Variants in TXNDC16 observed in about 807,000 individuals in gnomAD.
TXNDC16 encodes thioredoxin domain containing 16.
Under a neutral mutation model 85.6 loss-of-function variants are expected in TXNDC16, and 74 were observed. The observed-to-expected ratio is 0.86, with a 90% CI of 0.72 to 1.05. The LOEUF (loss-of-function observed/expected upper bound fraction) is 1.05, where lower values mean the gene tolerates loss of function less well. TXNDC16 is among the 50% of genes least tolerant of loss of function. TXNDC16 has a pLI of 0.00. For synonymous variants in TXNDC16, 335 were observed against 326.5 expected, an observed-to-expected ratio of 1.03 and a Z score of -0.28; for missense variants, 959 against 947.0, an observed-to-expected ratio of 1.01 and a Z score of -0.17.
chr14:52,508,457 C>T (rs532052689), intron 9 of TXNDC16, among the ~76,000 whole-genome samples: 29 of 152,322 alleles, frequency 1.9e-4, no homozygotes, highest in African/African-American at 6.5e-4. Flanking sequence ...AACACTTTTA[C>T]ACTGTTGGTG....
chr14:52,475,353 C>A (rs932857511), intron 14 of TXNDC16, among the ~76,000 whole-genome samples: 5 of 152,134 alleles, frequency 3.3e-5, no homozygotes, highest in African/African-American at 1.2e-4. Context: ...ATCCAGCGTG[C>A]AGACTCCACA....
chr14:52,496,015 C>T (rs532909311), intron 9 of TXNDC16, among the ~76,000 whole-genome samples: 1 of 151,936 alleles, frequency 6.6e-6, no homozygotes, highest in East Asian at 1.9e-4. Flanking sequence ...AAAAAATTAG[C>T]CGGGTGTGGT....
intron 16 of TXNDC16, among the ~76,000 whole-genome samples, chr14:52,466,392 C>CAAAAAAAAAAAAAAAAAAAAAAAAAAA: frequency 1.8e-5 from 1 of 56,700 alleles, no homozygotes; most frequent in Non-Finnish European, 3.1e-5. Flanking sequence ...GACTCTGTCT[C>CAAAAAAAAAAAAAAAAAAAAAAAAAAA]AAAAAAAAAA....
chr14:52,534,984 C>T (rs1427069258), intron 6 of TXNDC16, among the ~76,000 whole-genome samples: 1 of 152,136 alleles, frequency 6.6e-6, no homozygotes, highest in Non-Finnish European at 1.5e-5. Flanking sequence ...ACAGGGTCCT[C>T]GGTCCTCTCC....
intron 6 of TXNDC16, among the ~76,000 whole-genome samples, chr14:52,533,068 T>C (rs2037620011): frequency 6.6e-6 from 1 of 152,178 alleles, no homozygotes; most frequent in African/African-American, 2.4e-5. Context: ...TTTCTTCTCT[T>C]AAATGGTGGT....
chr14:52,448,823 G>A (rs562746949), intron 18 of TXNDC16, among the ~76,000 whole-genome samples: 2 of 152,164 alleles, frequency 1.3e-5, no homozygotes, highest in East Asian at 3.9e-4. Flanking sequence ...TTGACAGAGT[G>A]TAGAGTTTTT....
At chr14:52,462,283 A>G (rs2035670185) in intron 16 of TXNDC16, among the ~76,000 whole-genome samples, 2 of 151,934 alleles carry the variant, frequency 1.3e-5, no homozygotes, top group Non-Finnish European at 1.5e-5. Context: ...CTGGTCTTGA[A>G]CTCTTAGCCT....
chr14:52,483,314 T>C (rs2036192319), intron 12 of TXNDC16, among the ~76,000 whole-genome samples: 2 of 152,158 alleles, frequency 1.3e-5, no homozygotes, highest in Admixed American at 6.5e-5. Flanking sequence ...CCTGACCACA[T>C]GGAACTTCTA....
At chr14:52,529,359 T>C (rs2037420438) in intron 6 of TXNDC16, among the ~76,000 whole-genome samples, 1 of 150,762 alleles carries the variant, frequency 6.6e-6, no homozygotes, top group East Asian at 1.9e-4. Context: ...CATTAGGAGA[T>C]ATACCTAATA....
intron 12 of TXNDC16, among the ~76,000 whole-genome samples, chr14:52,487,534 A>G (rs1322885598): frequency 2.6e-5 from 4 of 152,256 alleles, no homozygotes; most frequent in African/African-American, 9.6e-5. Context: ...GAATAATTAC[A>G]GAAGAGGATT....
chr14:52,456,018 C>T (rs1313770832), intron 17 of TXNDC16, among the ~76,000 whole-genome samples: 2 of 152,302 alleles, frequency 1.3e-5, no homozygotes, highest in East Asian at 3.9e-4. Flanking sequence ...GTACTCTCTC[C>T]ACTGAAACAA....
rs199701557 is a variant in TXNDC16 at position 52,525,699 on chromosome 14, AAATAATAAT to A, written c.393-6415_393-6407del. 5.5e-3 allele frequency among the ~76,000 whole-genome samples: 668 copies of A among 121,332 alleles called. 4 individuals are homozygous for A. Among genetic ancestry groups the A allele is most frequent in the South Asian group, 0.014 (51 of 3,646 alleles). The allele number at this position is 121,332 out of a possible 152,430, so 79.6% of individuals were successfully genotyped here. ...GGCGACAGAGTGAGACTCCATCTCA[AAATAATAAT>A]AATAATAATAATAATAATAATAATA... On this transcript the variant is annotated intron_variant, in intron 6 of 20. Transcript: ENST00000281741.
At chr14:52,523,101 A>T (rs755285023) in intron 6 of TXNDC16, among the ~76,000 whole-genome samples, 9 of 152,164 alleles carry the variant, frequency 5.9e-5, no homozygotes, top group African/African-American at 9.7e-5. Context: ...GATCCATTCC[A>T]CAGCCTGTGC....
intron 9 of TXNDC16, among the ~76,000 whole-genome samples, chr14:52,504,857 A>T (rs993114094): frequency 1.3e-5 from 2 of 152,204 alleles, no homozygotes; most frequent in African/African-American, 4.8e-5. Flanking sequence ...ATAGGCTCAA[A>T]ATAAAGGGAT....
intron 6 of TXNDC16, among the ~76,000 whole-genome samples, chr14:52,533,736 A>G (rs546202923): frequency 6.6e-6 from 1 of 152,234 alleles, no homozygotes; most frequent in Non-Finnish European, 1.5e-5. Context: ...GACACAAGGT[A>G]TCATCTCATT....
intron 12 of TXNDC16, among the ~76,000 whole-genome samples, chr14:52,487,907 A>C (rs1263624192): frequency 6.6e-6 from 1 of 152,272 alleles, no homozygotes; most frequent in African/African-American, 2.4e-5. Flanking sequence ...ATAACTGTTT[A>C]AACGAAGTGT....
chr14:52,507,417 A>T (rs545311835), intron 9 of TXNDC16, among the ~76,000 whole-genome samples: 114 of 152,172 alleles, frequency 7.5e-4, no homozygotes, highest in African/African-American at 2.5e-3. Context: ...ATAAAAGAGG[A>T]TACAAACAAA....
Position 52,432,145 on chromosome 14 carries a change from T to G in TXNDC16, c.*159A>C, listed in dbSNP as rs1456875649. 12 of 597,700 alleles carry G rather than the reference T, an allele frequency of 2.0e-5. 1 individual carries two copies. The highest frequency in any genetic ancestry group is 2.6e-6 in the Non-Finnish European group (1 of 385,682). 37.0% of individuals were successfully genotyped at this position (597,700 alleles called of 1,614,324 possible). On this transcript the variant is annotated 3_prime_UTR_variant, in exon 21 of 21. Coordinates refer to ENST00000281741, the MANE Select transcript of TXNDC16 (RefSeq NM_020784.3). ...CCCTGCTCACTTTTACTTTGTTTAA[T>G]GTAGTTACTAGAAAATTTTAAATAA...
intron 14 of TXNDC16, 102 bp downstream of exon 14, chr14:52,482,127 AC>A: frequency 9.4e-7 from 1 of 1,064,628 alleles, no homozygotes; most frequent in Non-Finnish European, 1.4e-6. Context: ...AAACATAGTA[AC>A]TGAAATTTTA....
Sources: allele counts gnomAD v4.1 joint callset (sites outside exome capture counted in the v4.1 genomes callset), GRCh38; gene constraint gnomAD v4.1.1; transcripts MANE v1.5; gene names NCBI Gene and HGNC (gene_info 2026-07-23, HGNC 2026-07-21).